Variants in KPNA7 observed in about 807,000 individuals in gnomAD.
KPNA7 encodes the protein karyopherin subunit alpha 7, also known as importin subunit alpha-8.
Under a neutral mutation model 53.7 loss-of-function variants are expected in KPNA7, and 54 were observed. The ratio of observed to expected loss-of-function variants is 1.01; its 90% CI spans 0.81 to 1.26. KPNA7 has a LOEUF of 1.26. Among genes scored for constraint, KPNA7 ranks in the 50% most tolerant of loss-of-function variants. The pLI is 0.00. For synonymous variants in KPNA7, 276 were observed against 259.3 expected, an observed-to-expected ratio of 1.06 and a Z score of -0.62; for missense variants, 640 against 644.5, an observed-to-expected ratio of 0.99 and a Z score of 0.07.
Position 99,195,344 on chromosome 7 carries a change from C to T in KPNA7, c.285-6G>A. 6.5e-7 allele frequency: 1 copy of T among 1,546,032 alleles called. No individual in the cohort carries two copies. The highest frequency in any genetic ancestry group is 8.8e-7 in the Non-Finnish European group (1 of 1,142,562). ...TTTCCTGGGATAGCATTTTCCTATG[C>T]AATGAAAGAGAGGGCAGGGGAGGGG... On this transcript the variant is annotated splice_polypyrimidine_tract_variant and splice_region_variant and intron_variant, in intron 4 of 10. Coordinates refer to ENST00000327442, the MANE Select transcript of KPNA7 (RefSeq NM_001145715.3).
At chr7:99,191,887 T>G (rs1022033811) in intron 6 of KPNA7, among the ~76,000 whole-genome samples, 1 of 152,176 alleles carries the variant, frequency 6.6e-6, no homozygotes, top group Non-Finnish European at 1.5e-5. Flanking sequence ...TGACCTCAGG[T>G]GATCCACCCG....
At chr7:99,163,849 A>T in the KPNA7 span, among the ~76,000 whole-genome samples, 2 of 152,138 alleles carry the variant, frequency 1.3e-5, no homozygotes, top group African/African-American at 4.8e-5. Context: ...CATGGGCATC[A>T]CTTAAGATCC....
At position 99,203,189 on chromosome 7, in the gene KPNA7, T is replaced by TCTTGGC. The variant is rs771245194; in HGVS notation, c.112_117dup (p.Ala38_Lys39dup). The TCTTGGC allele has an allele frequency of 1.9e-6, 3 of 1,551,592 alleles. No individual in the cohort carries two copies. The African/African-American group carries it at 4.1e-5, about 21-fold the overall frequency. ...CTTCTCTTTAAGGTCTGTTCATCTT[T>TCTTGGC]CTTGGCCTTTCGGAGCTCCAGACTG... is the stretch of plus-strand genomic sequence containing the variant. On this transcript the variant is annotated inframe_insertion, in exon 3 of 11. Coordinates refer to ENST00000327442, the MANE Select transcript of KPNA7 (RefSeq NM_001145715.3).
At chr7:99,174,816 AT>A (rs796969006) in intron 10 of KPNA7, among the ~76,000 whole-genome samples, 3,465 of 149,018 alleles carry the variant, frequency 0.023, 131 homozygotes, top group African/African-American at 0.082. Flanking sequence ...CTTATTTATT[AT>A]TTTTTTTTTT....
At chr7:99,197,157 G>A (rs565000509) in intron 3 of KPNA7, among the ~76,000 whole-genome samples, 3 of 152,148 alleles carry the variant, frequency 2.0e-5, no homozygotes, top group Admixed American at 1.3e-4. Context: ...AGTGGTGAAC[G>A]CATGCCCCCA....
At chr7:99,197,556 A>C (rs1259466104) in intron 3 of KPNA7, among the ~76,000 whole-genome samples, 1 of 152,236 alleles carries the variant, frequency 6.6e-6, no homozygotes. Flanking sequence ...TAGTCAAAGA[A>C]CTAAACCATG....
the KPNA7 span, among the ~76,000 whole-genome samples, chr7:99,147,063 C>A: frequency 3.1e-4 from 47 of 152,014 alleles, no homozygotes; most frequent in African/African-American, 1.1e-3. Context: ...ACAAAGGGGA[C>A]CTTCCTACCT....
chr7:99,215,503 T>C (rs1019502600), intron 1 of KPNA7, among the ~76,000 whole-genome samples: 19 of 151,916 alleles, frequency 1.3e-4, no homozygotes, highest in African/African-American at 4.6e-4. Context: ...GAGGTATCTT[T>C]AGGGAGAGGG....
At position 99,196,075 on chromosome 7, in the gene KPNA7, T is replaced by C. The variant is rs1053362694; in HGVS notation, c.284+9A>G. ...GAACCTGCAACAGCAGAAGTCTGTT[T>C]GGAGATACCTGGCTGTCTGGGTGGC... On this transcript the variant is annotated intron_variant, in intron 4 of 10. Coordinates refer to ENST00000327442, the MANE Select transcript of KPNA7 (RefSeq NM_001145715.3). 6 of 1,548,244 alleles carry C rather than the reference T, an allele frequency of 3.9e-6. No individual in the cohort carries two copies. The African/African-American group carries it at 6.9e-5, about 18-fold the overall frequency.
intron 3 of KPNA7, among the ~76,000 whole-genome samples, chr7:99,202,552 A>G (rs907348285): frequency 6.6e-6 from 1 of 152,054 alleles, no homozygotes; most frequent in Non-Finnish European, 1.5e-5. Flanking sequence ...AATTAGAAAT[A>G]TCACCTTTTT....
At chr7:99,186,415 C>A (rs778789620) in intron 7 of KPNA7, among the ~76,000 whole-genome samples, 2 of 152,136 alleles carry the variant, frequency 1.3e-5, no homozygotes, top group African/African-American at 2.4e-5. Context: ...GTACTTCAGG[C>A]CAGTCATGGC....
At chr7:99,207,658 CAG>C (rs1265230730) in intron 1 of KPNA7, among the ~76,000 whole-genome samples, 169 bp from the exon 2 acceptor site, 1 of 89,542 alleles carries the variant, frequency 1.1e-5, no homozygotes, top group African/African-American at 4.8e-5. Context: ...TTTTTTGAGA[CAG>C]AGTCTCGCTC....
At chr7:99,189,463 GC>G in intron 6 of KPNA7, among the ~76,000 whole-genome samples, 1 of 152,004 alleles carries the variant, frequency 6.6e-6, no homozygotes, top group East Asian at 1.9e-4. Context: ...AATCATCCCT[GC>G]CCCCAAATCA....
chr7:99,193,141 A>G lies in KPNA7; in HGVS notation c.554-40T>C, dbSNP rs1273751568. ...GAATGTGACATTTAGAGAGAGAACA[A>G]AGACAATCCTGAAGTGGGTGACTAA... is the stretch of plus-strand genomic sequence containing the variant. On this transcript the variant is annotated intron_variant, in intron 5 of 10. Coordinates refer to ENST00000327442, the MANE Select transcript of KPNA7 (RefSeq NM_001145715.3). 2.3e-6 allele frequency: 3 copies of G among 1,289,510 alleles called. No individual in the cohort carries two copies. The African/African-American group carries it at 4.7e-5, about 20-fold the overall frequency. 79.9% of individuals were successfully genotyped at this position (1,289,510 alleles called of 1,614,324 possible).
At chr7:99,184,185 C>T (rs1304315460) in intron 8 of KPNA7, among the ~76,000 whole-genome samples, 1 of 140,804 alleles carries the variant, frequency 7.1e-6, no homozygotes, top group African/African-American at 2.6e-5. Context: ...GACAGGGTCT[C>T]ACTGTGTCAC....
chr7:99,215,396 A>AAG (rs1791192766), intron 1 of KPNA7, among the ~76,000 whole-genome samples: 1 of 144,458 alleles, frequency 6.9e-6, no homozygotes, highest in Non-Finnish European at 1.5e-5. Context: ...AAAAAAAAAA[A>AAG]GGCATTTGCC....
chr7:99,188,677 T>C (rs988402351), intron 6 of KPNA7, 114 bp from the exon 7 acceptor site: 4 of 1,111,016 alleles, frequency 3.6e-6, no homozygotes, highest in Non-Finnish European at 3.8e-6. Context: ...CAGAGCTTTT[T>C]AAAATTTTAT....
At chr7:99,159,591 T>TA in the KPNA7 span, among the ~76,000 whole-genome samples, 1 of 152,092 alleles carries the variant, frequency 6.6e-6, no homozygotes, top group Admixed American at 6.6e-5. Flanking sequence ...ATCTGTCACT[T>TA]CCCTCTTCCC....
At chr7:99,190,009 C>T (rs1789851047) in intron 6 of KPNA7, among the ~76,000 whole-genome samples, 1 of 151,968 alleles carries the variant, frequency 6.6e-6, no homozygotes, top group African/African-American at 2.4e-5. Flanking sequence ...GTTACTGTCC[C>T]TCTCAGCTGT....
Sources: allele counts gnomAD v4.1 joint callset (sites outside exome capture counted in the v4.1 genomes callset), GRCh38; gene constraint gnomAD v4.1.1; transcripts MANE v1.5; gene names NCBI Gene and HGNC (gene_info 2026-07-23, HGNC 2026-07-21).